TDRD5: variants seen among roughly 807,000 people sequenced by gnomAD.
TDRD5 encodes the protein tudor domain-containing protein 5.
In TDRD5, 41 loss-of-function variants were observed where a neutral mutation model predicts 120.6. The observed-to-expected ratio is 0.34, with a 90% CI of 0.26 to 0.44. The LOEUF is 0.44. Among genes scored for constraint, TDRD5 ranks in the 20% least tolerant of loss-of-function variants. The pLI, the probability that TDRD5 is intolerant of heterozygous loss-of-function variation, is 1.00. For synonymous variants in TDRD5, 430 were observed against 433.7 expected (o/e 0.99, Z 0.11); for missense variants, 1,006 against 1,221.2 (o/e 0.82, Z 2.63).
intron 17 of TDRD5, among the ~76,000 whole-genome samples, chr1:179,686,795 A>G (rs1297950979): frequency 2.0e-5 from 3 of 152,130 alleles, no homozygotes; most frequent in Non-Finnish European, 4.4e-5. Context: ...CCAGGAATTT[A>G]TCCATTTCTT....
chr1:179,643,826 T>G (rs1678189019), intron 11 of TDRD5, among the ~76,000 whole-genome samples: 1 of 152,036 alleles, frequency 6.6e-6, no homozygotes, highest in Non-Finnish European at 1.5e-5. Flanking sequence ...AAGAGGTCAA[T>G]ATTCAGAGTC....
intron 6 of TDRD5, 115 bp downstream of exon 6, chr1:179,621,206 A>G: frequency 2.4e-6 from 2 of 845,092 alleles, no homozygotes; most frequent in East Asian, 2.9e-5. Flanking sequence ...AAACGGAAAC[A>G]TTTTGTTTTG....
At chr1:179,651,585 A>C (rs988035591) in intron 12 of TDRD5, among the ~76,000 whole-genome samples, 1 of 152,220 alleles carries the variant, frequency 6.6e-6, no homozygotes, top group East Asian at 1.9e-4. Context: ...AACTAGCAAA[A>C]ACTGTCAATA....
chr1:179,632,506 C>T (rs1677514105), intron 7 of TDRD5, among the ~76,000 whole-genome samples: 1 of 151,064 alleles, frequency 6.6e-6, no homozygotes, highest in Non-Finnish European at 1.5e-5. Flanking sequence ...AGAGAGAGAA[C>T]ATTTTCTATT....
At position 179,592,784 on chromosome 1, in the gene TDRD5, G is replaced by A; in HGVS notation, c.169G>A (p.Val57Ile). ...TGGGTATCGGTCCACTATGGAGCTG[G>A]TATTGGACATGCCTGATGTTGTTCG... ...ILGYRSTMEL[V>I]LDMPDVVRVC... The change falls in exon 2 of 18, where the codon GTA becomes ATA. Residue 57 changes from valine (V) to isoleucine (I), a missense_variant. Around this residue, in one of 3 missense-constraint regions of TDRD5, gnomAD observed 445 missense variants for 515.5 expected, o/e 0.86. Coordinates refer to ENST00000444136, the MANE Select transcript of TDRD5 (RefSeq NM_001199085.3). 6.2e-7 allele frequency: 1 copy of A among 1,614,186 alleles called. No homozygotes were observed. The highest frequency in any genetic ancestry group is 8.5e-7 in the Non-Finnish European group (1 of 1,180,034).
At chr1:179,676,116 C>T (rs984109644) in intron 17 of TDRD5, among the ~76,000 whole-genome samples, 1 of 152,094 alleles carries the variant, frequency 6.6e-6, no homozygotes, top group African/African-American at 2.4e-5. Flanking sequence ...CCCTCTTTGT[C>T]TTTTTTAACT....
At chr1:179,601,515 T>C (rs1300959398) in intron 4 of TDRD5, among the ~76,000 whole-genome samples, 3 of 152,150 alleles carry the variant, frequency 2.0e-5, no homozygotes, top group Admixed American at 2.0e-4. Context: ...AAACATGATG[T>C]TTAGTTTTCC....
chr1:179,661,235 A>G (rs1446959839), intron 14 of TDRD5, among the ~76,000 whole-genome samples: 2 of 151,710 alleles, frequency 1.3e-5, no homozygotes, highest in African/African-American at 2.4e-5. Flanking sequence ...CAAATTTTGG[A>G]TGTTTTCAGC....
chr1:179,591,773 C>T (rs2101896950), upstream of TDRD5: 1 of 152,548 alleles, frequency 6.6e-6, no homozygotes, highest in South Asian at 2.1e-4. Context: ...GCCACGTGCC[C>T]TCGGGGCTGG....
intron 4 of TDRD5, among the ~76,000 whole-genome samples, chr1:179,615,092 G>A (rs1676493367): frequency 6.6e-6 from 1 of 151,892 alleles, no homozygotes; most frequent in African/African-American, 2.4e-5. Flanking sequence ...TGACTTTTAT[G>A]CACTTCCCAT....
At chr1:179,626,726 C>T (rs1027743346) in intron 6 of TDRD5, among the ~76,000 whole-genome samples, 2 of 151,922 alleles carry the variant, frequency 1.3e-5, no homozygotes, top group African/African-American at 2.4e-5. Context: ...ATTCTTTCAA[C>T]TTTTTCTGTG....
At chr1:179,655,404 C>T (rs1414058631) in intron 14 of TDRD5, among the ~76,000 whole-genome samples, 2 of 152,140 alleles carry the variant, frequency 1.3e-5, no homozygotes, top group Non-Finnish European at 2.9e-5. Context: ...ACTGTTACAC[C>T]TTTTTTTCCC....
At chr1:179,642,012 G>A (rs1678074993) in intron 11 of TDRD5, among the ~76,000 whole-genome samples, 1 of 151,974 alleles carries the variant, frequency 6.6e-6, no homozygotes, top group South Asian at 2.1e-4. Context: ...TGACTCAGTT[G>A]TAGCCAGTGT....
At chr1:179,684,147 A>C (rs1285536806) in intron 17 of TDRD5, among the ~76,000 whole-genome samples, 1 of 152,098 alleles carries the variant, frequency 6.6e-6, no homozygotes, top group Non-Finnish European at 1.5e-5. Flanking sequence ...TGCTACACCC[A>C]TTAACTCGTC....
At chr1:179,669,863 G>T (rs879840416) in intron 17 of TDRD5, among the ~76,000 whole-genome samples, 4 of 152,044 alleles carry the variant, frequency 2.6e-5, no homozygotes, top group Non-Finnish European at 4.4e-5. Context: ...TGTCTGGCTG[G>T]CTTCTTTCAC....
intron 14 of TDRD5, among the ~76,000 whole-genome samples, chr1:179,658,802 C>G (rs1260637687): frequency 1.3e-5 from 2 of 151,908 alleles, no homozygotes; most frequent in African/African-American, 2.4e-5. Context: ...CTTTTATTTT[C>G]TTTGGGTTTA....
chr1:179,627,863 G>A (rs1217961963), intron 6 of TDRD5, among the ~76,000 whole-genome samples: 1 of 152,134 alleles, frequency 6.6e-6, no homozygotes, highest in East Asian at 1.9e-4. Context: ...GATACAGCTG[G>A]ATAAGCAAAG....
At chr1:179,625,835 C>G (rs550438101) in intron 6 of TDRD5, among the ~76,000 whole-genome samples, 101 of 152,154 alleles carry the variant, frequency 6.6e-4, no homozygotes, top group African/African-American at 2.1e-3. Context: ...CAATGATAGA[C>G]TGGATTAAGA....
Position 179,669,223 on chromosome 1 carries a change from T to C in TDRD5, c.2679T>C (p.Ser893=). 1 of 1,614,158 alleles carries C rather than the reference T, an allele frequency of 6.2e-7. No homozygotes were observed. The highest frequency in any genetic ancestry group is 8.5e-7 in the Non-Finnish European group (1 of 1,180,030). Residue 893 remains serine, a synonymous_variant, in exon 17 of 18, where the codon TCT becomes TCC. Transcript: ENST00000444136. ...KQLDINGSSD[S]STLPKLEEFC... Reference sequence around the variant, plus strand: ...TAGACATAAATGGTTCTTCAGATTCTTCCACACTGCCCAAATTGGAAGAAT... The same window carrying C: ...TAGACATAAATGGTTCTTCAGATTCCTCCACACTGCCCAAATTGGAAGAAT...
Sources: allele counts gnomAD v4.1 joint callset (sites outside exome capture counted in the v4.1 genomes callset), GRCh38; gene constraint gnomAD v4.1.1; regional missense constraint gnomAD v4.1.1; transcripts MANE v1.5; gene names NCBI Gene and HGNC (gene_info 2026-07-23, HGNC 2026-07-21).